KPNA3: variants seen among roughly 807,000 people sequenced by gnomAD.
KPNA3 encodes importin subunit alpha-4.
A neutral mutation model predicts 73.8 loss-of-function variants in KPNA3; 13 were observed. The ratio of observed to expected loss-of-function variants is 0.18; its 90% CI spans 0.11 to 0.28. The LOEUF (loss-of-function observed/expected upper bound fraction) is 0.28, where lower values mean the gene tolerates loss of function less well. KPNA3 is among the 10% of genes least tolerant of loss of function. The pLI, the probability that KPNA3 is intolerant of heterozygous loss-of-function variation, is 1.00. For missense variants in KPNA3, 360 were observed against 618.1 expected, an observed-to-expected ratio of 0.58 and a Z score of 4.43; for synonymous variants, 186 against 206.9, an observed-to-expected ratio of 0.90 and a Z score of 0.87.
In KPNA3 at chr13:49,765,981, G is replaced by A. The variant is rs116294510; in HGVS notation, c.70-18988C>T. 4.3e-3 allele frequency among the ~76,000 whole-genome samples: 658 copies of A among 151,562 alleles called. 6 individuals carry two copies. Among genetic ancestry groups the A allele is most frequent in the African/African-American group, 0.015 (623 of 41,514 alleles). Reference sequence around the variant, plus strand: ...GATCACTCCCTAGAAAACCCCACATGTTCCTTAAGACATTCAAAACTGAGT... The same window carrying A: ...GATCACTCCCTAGAAAACCCCACATATTCCTTAAGACATTCAAAACTGAGT... On this transcript the variant is annotated intron_variant, in intron 1 of 16. Transcript: ENST00000261667.
In KPNA3 at chr13:49,775,101, G is replaced by A. The variant is rs1056474650; in HGVS notation, c.69+17337C>T. On this transcript the variant is annotated intron_variant, in intron 1 of 16. Coordinates refer to ENST00000261667, the MANE Select transcript of KPNA3 (RefSeq NM_002267.4). Reference sequence around the variant, plus strand: ...CTGGGAGGCGGAGGTTGCAGTGAGCGGAGATCATGCCATTGCACTCCAGAG... The same window carrying A: ...CTGGGAGGCGGAGGTTGCAGTGAGCAGAGATCATGCCATTGCACTCCAGAG... Among the ~76,000 whole-genome samples the A allele has an allele frequency of 9.0e-5, 13 of 144,214 alleles. No homozygotes were observed. The South Asian group carries it at 1.1e-3, about 12-fold the overall frequency. 94.6% of individuals were successfully genotyped at this position (144,214 alleles called of 152,430 possible). A position where few individuals can be genotyped will look rare whatever the true frequency, so the allele number is the denominator to read the frequency against.
intron 7 of KPNA3, among the ~76,000 whole-genome samples, chr13:49,723,643 G>A (rs1954381032): frequency 1.3e-5 from 2 of 150,504 alleles, no homozygotes; most frequent in Middle Eastern, 6.9e-3. Context: ...GAAGCGAGGC[G>A]GGCAGATCAC....
chr13:49,735,678 A>G (rs551018771), intron 2 of KPNA3, among the ~76,000 whole-genome samples: 1 of 152,244 alleles, frequency 6.6e-6, no homozygotes, highest in African/African-American at 2.4e-5. Context: ...CCAATCCTTA[A>G]ACACACATAT....
intron 1 of KPNA3, among the ~76,000 whole-genome samples, chr13:49,766,897 T>A (rs909476593): frequency 4.0e-5 from 6 of 151,022 alleles, no homozygotes; most frequent in South Asian, 2.1e-4. Flanking sequence ...AGAATTTTTT[T>A]AAAAAATTAA....
intron 9 of KPNA3, among the ~76,000 whole-genome samples, chr13:49,721,513 G>A (rs994683174): frequency 1.3e-5 from 2 of 151,982 alleles, no homozygotes; most frequent in Admixed American, 6.6e-5. Flanking sequence ...AATATGGTAC[G>A]TTACTTTTAA....
chr13:49,790,692 A>G (rs765185761), intron 1 of KPNA3, among the ~76,000 whole-genome samples: 9 of 152,198 alleles, frequency 5.9e-5, no homozygotes, highest in Non-Finnish European at 1.3e-4. Flanking sequence ...CATGCATCTA[A>G]AAGTCACGGG....
chr13:49,744,530 G>C (rs1446190759), intron 2 of KPNA3, among the ~76,000 whole-genome samples: 2 of 152,130 alleles, frequency 1.3e-5, no homozygotes, highest in Non-Finnish European at 2.9e-5. Flanking sequence ...ACAAAAAAAT[G>C]ATCTTCCTTG....
At chr13:49,745,903 A>G (rs1226368468) in intron 2 of KPNA3, among the ~76,000 whole-genome samples, 1 of 151,476 alleles carries the variant, frequency 6.6e-6, no homozygotes, top group Non-Finnish European at 1.5e-5. Flanking sequence ...CTCTACTAAA[A>G]ATACAAAAAA....
chr13:49,749,534 T>C (rs1429192303), intron 1 of KPNA3, among the ~76,000 whole-genome samples: 1 of 152,160 alleles, frequency 6.6e-6, no homozygotes, highest in Non-Finnish European at 1.5e-5. Context: ...TTCCATCCCT[T>C]CTTAGAGAAC....
intron 1 of KPNA3, among the ~76,000 whole-genome samples, chr13:49,762,183 T>C (rs1387561925): frequency 1.6e-4 from 18 of 113,250 alleles, no homozygotes; most frequent in African/African-American, 2.7e-4. Flanking sequence ...GCCAGCCGCC[T>C]CGTCCGGGAG....
chr13:49,753,019 T>A (rs1212411045), intron 1 of KPNA3, among the ~76,000 whole-genome samples: 57 of 94,482 alleles, frequency 6.0e-4, no homozygotes, highest in Non-Finnish European at 9.8e-4. Flanking sequence ...AGAGCGAGAC[T>A]CTGTCTCAAA....
At chr13:49,775,180 A>G (rs112582559) in intron 1 of KPNA3, among the ~76,000 whole-genome samples, 130 of 127,306 alleles carry the variant, frequency 1.0e-3, no homozygotes, top group African/African-American at 2.8e-3. Flanking sequence ...AAAAAAAAAA[A>G]AAAAAAGAAA....
At chr13:49,783,628 G>A (rs1192081406) in intron 1 of KPNA3, among the ~76,000 whole-genome samples, 3 of 152,172 alleles carry the variant, frequency 2.0e-5, no homozygotes, top group Non-Finnish European at 4.4e-5. Context: ...GTCAGTCATA[G>A]AAAGAAAATC....
At chr13:49,755,554 T>C (rs1954703399) in intron 1 of KPNA3, among the ~76,000 whole-genome samples, 1 of 151,910 alleles carries the variant, frequency 6.6e-6, no homozygotes, top group Non-Finnish European at 1.5e-5. Flanking sequence ...CCCAGCACTT[T>C]GGGAGACTGA....
chr13:49,738,338 G>C (rs1417938911), intron 2 of KPNA3, among the ~76,000 whole-genome samples: 2 of 152,114 alleles, frequency 1.3e-5, no homozygotes, highest in Admixed American at 1.3e-4. Flanking sequence ...AGCTATTCTA[G>C]AGACTGTGTC....
chr13:49,731,001 C>T (rs867951590), intron 6 of KPNA3, among the ~76,000 whole-genome samples: 22 of 151,614 alleles, frequency 1.5e-4, no homozygotes, highest in African/African-American at 5.3e-4. Flanking sequence ...AGGATGGTCT[C>T]GATCTCCTGA....
chr13:49,733,083 G>A (rs771246235), intron 2 of KPNA3, 37 bp from the exon 3 acceptor site: 1 of 1,271,274 alleles, frequency 7.9e-7, no homozygotes, highest in Non-Finnish European at 1.1e-6. Context: ...GAAGTCATAA[G>A]GACTACTGTT....
chr13:49,708,600 A>G (rs1594429363), intron 12 of KPNA3, among the ~76,000 whole-genome samples: 2 of 152,338 alleles, frequency 1.3e-5, no homozygotes, highest in Non-Finnish European at 2.9e-5. Flanking sequence ...CATTCTTCGT[A>G]ATAGTGAAAA....
At chr13:49,730,476 C>A (rs1954452283) in intron 6 of KPNA3, among the ~76,000 whole-genome samples, 1 of 107,062 alleles carries the variant, frequency 9.3e-6, no homozygotes, top group African/African-American at 4.0e-5. Flanking sequence ...GCCAAGATTG[C>A]ACCACTGCAC....
Sources: allele counts gnomAD v4.1 joint callset (sites outside exome capture counted in the v4.1 genomes callset), GRCh38; gene constraint gnomAD v4.1.1; transcripts MANE v1.5; gene names NCBI Gene and HGNC (gene_info 2026-07-23, HGNC 2026-07-21).